Variants in OR2L5 observed in about 807,000 individuals in gnomAD.
OR2L5 encodes the protein olfactory receptor 2L5.
For missense variants in OR2L5, 413 were observed against 381.6 expected (o/e 1.08, Z -0.69); for synonymous variants, 169 against 142.0 (o/e 1.19, Z -1.35).
Position 248,022,323 on chromosome 1 carries a change from T to G in OR2L5, c.376T>G (p.Cys126Gly). The change falls in exon 2 of 2, where the codon TGC becomes GGC. Residue 126 changes from cysteine (C) to glycine (G), a missense_variant. By Grantham distance (159) the Cys-to-Gly change is radical. Transcript: ENST00000355281. The stretch of plus-strand genomic sequence containing the variant: ...GGCCTATGATCGTTATGTGGCCATT[T>G]GCTTTCCTCTCCACTATCCCATCCG... ...SMAYDRYVAI[C>G]FPLHYPIRMS... The G allele has an allele frequency of 6.2e-7, 1 of 1,614,174 alleles. No individual in the cohort carries two copies. Among genetic ancestry groups the G allele is most frequent in the African/African-American group, 1.3e-5 (1 of 75,044 alleles).
At position 248,022,991 on chromosome 1, in the gene OR2L5, T is replaced by A; in HGVS notation, c.*105T>A. On this transcript the variant is annotated 3_prime_UTR_variant, in exon 2 of 2. Coordinates refer to ENST00000355281, the MANE Select transcript of OR2L5 (RefSeq NM_001258284.2). ...CATGCCCAGTATGTCAAACAGAGAT[T>A]AATCCAGAATGTTTGTCTTTTAATT... 1.9e-6 allele frequency: 2 copies of A among 1,028,534 alleles called. No individual in the cohort carries two copies. Among genetic ancestry groups the A allele is most frequent in the Non-Finnish European group, 2.8e-6 (2 of 710,366 alleles). The allele number at this position is 1,028,534 out of a possible 1,614,324, so 63.7% of individuals were successfully genotyped here.
chr1:248,016,494 G>T (rs929906344), intron 1 of OR2L5, among the ~76,000 whole-genome samples: 2 of 152,010 alleles, frequency 1.3e-5, no homozygotes, highest in Non-Finnish European at 2.9e-5. Flanking sequence ...TTAAATGATT[G>T]AATTTTAGCC....
chr1:248,022,958 C>A lies in OR2L5; in HGVS notation c.*72C>A. ...AGCAGTGTACAGCAGTGAAGAAAAA[C>A]ATTATTACATGCCCAGTATGTCAAA... On this transcript the variant is annotated 3_prime_UTR_variant, in exon 2 of 2. Transcript: ENST00000355281. 1 of 1,321,146 alleles carries A rather than the reference C, an allele frequency of 7.6e-7. No individual in the cohort carries two copies. The highest frequency in any genetic ancestry group is 1.0e-6 in the Non-Finnish European group (1 of 959,100). The allele number at this position is 1,321,146 out of a possible 1,614,324, so 81.8% of individuals were successfully genotyped here. A position where few individuals can be genotyped will look rare whatever the true frequency, so the allele number is the denominator to read the frequency against.
At chr1:248,017,563 G>A (rs187514391) in intron 1 of OR2L5, among the ~76,000 whole-genome samples, 72 of 152,322 alleles carry the variant, frequency 4.7e-4, no homozygotes, top group Admixed American at 2.4e-3. Flanking sequence ...AGCAGGACAG[G>A]CTTCTGCCTT....
Position 248,023,033 on chromosome 1 carries a change from G to A in OR2L5, c.*147G>A. 2.8e-6 allele frequency: 2 copies of A among 714,526 alleles called. No homozygotes were observed. The highest frequency in any genetic ancestry group is 2.8e-5 in the East Asian group (1 of 35,380). 44.3% of individuals were successfully genotyped at this position (714,526 alleles called of 1,614,324 possible). ...CTTTTAATTTAGTCTTGACATTATAGTTGCATATTCTAAGACATCTATTTT... is the reference window on the plus strand; with the variant it reads ...CTTTTAATTTAGTCTTGACATTATAATTGCATATTCTAAGACATCTATTTT... On this transcript the variant is annotated 3_prime_UTR_variant, in exon 2 of 2. Transcript: ENST00000355281.
intron 1 of OR2L5, among the ~76,000 whole-genome samples, chr1:248,016,310 ATTT>A (rs1305738396): frequency 6.6e-6 from 1 of 151,948 alleles, no homozygotes; most frequent in Non-Finnish European, 1.5e-5. Context: ...TTACATGGGT[ATTT>A]TTTTTGTAAG....
rs529281119 is a variant in OR2L5, at chr1:248,022,172, G to A, written c.225G>A (p.Thr75=). ...TCATTGACCTAAATTACATCTCTAC[G>A]ATTGTTCCTAAGATGGCTTCTGATT... ...LSLIDLNYIS[T]IVPKMASDFL... is the part of the protein sequence containing the mutation. Residue 75 remains threonine (T), a synonymous_variant, in exon 2 of 2, where the codon ACG becomes ACA. Transcript: ENST00000355281. The A allele has an allele frequency of 1.9e-5, 30 of 1,613,786 alleles. No homozygotes were observed. Among genetic ancestry groups the A allele is most frequent in the Middle Eastern group, 1.6e-4 (1 of 6,080 alleles).
Position 248,022,787 on chromosome 1 carries a change from C to A in OR2L5, c.840C>A (p.Leu280=). The part of the protein sequence containing the change: ...DKVLAVFYTI[L]TPMLNPIIYS... Reference sequence around the variant, plus strand: ...TTCTGGCTGTTTTCTACACCATCCTCACCCCAATGCTCAACCCCATCATCT... The same window carrying A: ...TTCTGGCTGTTTTCTACACCATCCTAACCCCAATGCTCAACCCCATCATCT... The change falls in exon 2 of 2, where the codon CTC becomes CTA. Residue 280 remains leucine, a synonymous_variant. Transcript: ENST00000355281. 6.2e-7 allele frequency: 1 copy of A among 1,614,038 alleles called. No individual in the cohort carries two copies. The highest frequency in any genetic ancestry group is 8.5e-7 in the Non-Finnish European group (1 of 1,180,006).
At chr1:248,019,801 G>C (rs1324252595) in intron 1 of OR2L5, among the ~76,000 whole-genome samples, 2 of 148,148 alleles carry the variant, frequency 1.3e-5, no homozygotes, top group South Asian at 4.3e-4. Flanking sequence ...TCTTCTTCTT[G>C]TTTGAGACAC....
chr1:248,022,165 T>A lies in OR2L5; in HGVS notation c.218T>A (p.Ile73Asn), dbSNP rs765598759. ...SQLSLIDLNY[I>N]STIVPKMASD... ...CTCTCCCTCATTGACCTAAATTACA[T>A]CTCTACGATTGTTCCTAAGATGGCT... Residue 73 changes from isoleucine (I) to asparagine (N), a missense_variant, in exon 2 of 2, where the codon ATC becomes AAC. Physicochemically the swap from Ile to Asn is moderately radical, Grantham distance 149 (BLOSUM62 -3). Transcript: ENST00000355281. The A allele has an allele frequency of 4.3e-6, 7 of 1,614,002 alleles. No homozygotes were observed. Among genetic ancestry groups the A allele is most frequent in the South Asian group, 1.1e-5 (1 of 91,076 alleles).
In OR2L5 at chr1:248,023,953, A is replaced by T. The variant is rs989264650; in HGVS notation, c.*1067A>T. ...ATAGAATAATCTTCACTCTGGAAAT[A>T]TAATTAAAGTGCATAAAAACTATTT... On this transcript the variant is annotated 3_prime_UTR_variant, in exon 2 of 2. Transcript: ENST00000355281. 6.6e-6 allele frequency: 1 copy of T among 152,128 alleles called. No individual in the cohort carries two copies. Among genetic ancestry groups the T allele is most frequent in the African/African-American group, 2.4e-5 (1 of 41,404 alleles). 9.4% of individuals were successfully genotyped at this position (152,128 alleles called of 1,614,324 possible). A position where few individuals can be genotyped will look rare whatever the true frequency, so the allele number is the denominator to read the frequency against.
rs773005996 is a variant in OR2L5 at position 248,022,907 on chromosome 1, T to G, written c.*21T>G. 3.2e-6 allele frequency: 5 copies of G among 1,578,122 alleles called. No individual in the cohort carries two copies. Among genetic ancestry groups the G allele is most frequent in the Non-Finnish European group, 4.3e-6 (5 of 1,163,004 alleles). Reference sequence around the variant, plus strand: ...TGTAGACATACGTTCTGTGTTAGAGTCAAAGCGCTAGGTTCATATCAACTC... The same window carrying G: ...TGTAGACATACGTTCTGTGTTAGAGGCAAAGCGCTAGGTTCATATCAACTC... On this transcript the variant is annotated 3_prime_UTR_variant, in exon 2 of 2. Transcript: ENST00000355281.
rs1662363848 is a variant in OR2L5 at position 248,022,435 on chromosome 1, TCC to T, written c.489_490del (p.Phe163LeufsTer16). 1 of 1,614,058 alleles carries T rather than the reference TCC, an allele frequency of 6.2e-7. No individual in the cohort carries two copies. The highest frequency in any genetic ancestry group is 1.3e-5 in the African/African-American group (1 of 74,936). On this transcript the variant is annotated frameshift_variant, in exon 2 of 2. Transcript: ENST00000355281. LOFTEE classifies it low-confidence loss of function (END_TRUNC). Reference sequence around the variant, plus strand: ...TCTTGTGCTCACACAGTATATGCATTCCGTATCCCATATTGCAAGTCCAGAGC... The same window carrying T: ...TCTTGTGCTCACACAGTATATGCATTGTATCCCATATTGCAAGTCCAGAGC...
Position 248,018,072 on chromosome 1 carries a change from G to A in OR2L5, c.-21-3855G>A, listed in dbSNP as rs184562454. Among the ~76,000 whole-genome samples, 448 of 151,224 alleles carry A rather than the reference G, an allele frequency of 3.0e-3. 7 individuals are homozygous for A. The highest frequency in any genetic ancestry group is 0.01 in the African/African-American group (420 of 40,896). ...TGGGAGGCTGAGGCAGGAGAATGGC[G>A]TGAACCCGGGAGGCGGAGCTTGCAG... On this transcript the variant is annotated intron_variant, in intron 1 of 1. Coordinates refer to ENST00000355281, the MANE Select transcript of OR2L5 (RefSeq NM_001258284.2).
At chr1:248,015,449 A>T (rs116136147) in intron 1 of OR2L5, among the ~76,000 whole-genome samples, 1,524 of 152,278 alleles carry the variant, frequency 0.01, 10 homozygotes, top group Middle Eastern at 0.02. Flanking sequence ...AGACATGCAG[A>T]TTCAGGTACA....
At position 248,022,089 on chromosome 1, in the gene OR2L5, ATCT is replaced by A. The variant is rs1433063273; in HGVS notation, c.147_149del (p.Phe49del). ...TGGAAACCTATCCATGATTCTTCTCATCTTCTTGGACACCCATCTCCACACACC... is the reference window on the plus strand; with the variant it reads ...TGGAAACCTATCCATGATTCTTCTCATCTTGGACACCCATCTCCACACACC... On this transcript the variant is annotated inframe_deletion, in exon 2 of 2. Transcript: ENST00000355281. 1.9e-6 allele frequency: 3 copies of A among 1,613,694 alleles called. No individual in the cohort carries two copies. Among genetic ancestry groups the A allele is most frequent in the Non-Finnish European group, 2.5e-6 (3 of 1,179,818 alleles).
At position 248,021,931 on chromosome 1, in the gene OR2L5, G is replaced by A; in HGVS notation, c.-17G>A. ...TACCCTTGTGTCTCCCTTCAGGAAG[G>A]ATCGTATGAATGCCCCATGGAAAAT... On this transcript the variant is annotated 5_prime_UTR_variant, in exon 2 of 2. Coordinates refer to ENST00000355281, the MANE Select transcript of OR2L5 (RefSeq NM_001258284.2). The A allele has an allele frequency of 1.3e-6, 2 of 1,594,748 alleles. No homozygotes were observed. The highest frequency in any genetic ancestry group is 1.7e-6 in the Non-Finnish European group (2 of 1,166,120).
chr1:248,023,360 G>A lies in OR2L5; in HGVS notation c.*474G>A, dbSNP rs913571291. On this transcript the variant is annotated 3_prime_UTR_variant, in exon 2 of 2. Coordinates refer to ENST00000355281, the MANE Select transcript of OR2L5 (RefSeq NM_001258284.2). The stretch of plus-strand genomic sequence containing the variant: ...TGATTTATTAATAAATTTACCTCAG[G>A]ATAAATAAGTATGTCTGGGGTGAAG... The A allele has an allele frequency of 1.3e-5, 2 of 152,256 alleles. No individual in the cohort carries two copies. The highest frequency in any genetic ancestry group is 2.1e-4 in the South Asian group (1 of 4,842). The allele number at this position is 152,256 out of a possible 1,614,324, so 9.4% of individuals were successfully genotyped here.
Position 248,022,914 on chromosome 1 carries a change from G to T in OR2L5, c.*28G>T, listed in dbSNP as rs372605047. On this transcript the variant is annotated 3_prime_UTR_variant, in exon 2 of 2. Transcript: ENST00000355281. ...ATACGTTCTGTGTTAGAGTCAAAGCGCTAGGTTCATATCAACTCAGCAGTG... is the reference window on the plus strand; with the variant it reads ...ATACGTTCTGTGTTAGAGTCAAAGCTCTAGGTTCATATCAACTCAGCAGTG... 1 of 1,569,948 alleles carries T rather than the reference G, an allele frequency of 6.4e-7. No homozygotes were observed. The highest frequency in any genetic ancestry group is 8.6e-7 in the Non-Finnish European group (1 of 1,158,510).
Sources: allele counts gnomAD v4.1 joint callset (sites outside exome capture counted in the v4.1 genomes callset), GRCh38; gene constraint gnomAD v4.1.1; transcripts MANE v1.5; gene names NCBI Gene and HGNC (gene_info 2026-07-23, HGNC 2026-07-21).